The following SPIDR variants were observed in gnomAD, a reference collection of about 807,000 sequenced individuals.
SPIDR encodes scaffold protein involved in DNA repair.
Under a neutral mutation model 104.6 loss-of-function variants are expected in SPIDR, and 93 were observed. The ratio of observed to expected loss-of-function variants is 0.89; its 90% CI spans 0.75 to 1.06. The LOEUF (loss-of-function observed/expected upper bound fraction) is 1.06. Ranked by LOEUF, SPIDR falls within the 50% of genes least tolerant of loss-of-function variation. The pLI, the probability that SPIDR is intolerant of heterozygous loss-of-function variation, is 0.00. For synonymous variants in SPIDR, 431 were observed against 416.9 expected (o/e 1.03, Z -0.41); for missense variants, 1,154 against 1,111.2 (o/e 1.04, Z -0.55).
At chr8:47,508,473 C>G (rs868787377) in intron 8 of SPIDR, among the ~76,000 whole-genome samples, 1 of 152,154 alleles carries the variant, frequency 6.6e-6, no homozygotes, top group Non-Finnish European at 1.5e-5. Context: ...GGGCTGCACA[C>G]ACAAAAAGAG....
intron 8 of SPIDR, among the ~76,000 whole-genome samples, chr8:47,552,171 G>A (rs1158152844): frequency 6.6e-6 from 1 of 152,194 alleles, no homozygotes; most frequent in Non-Finnish European, 1.5e-5. Flanking sequence ...TACATTTGCT[G>A]AGGAGTGCTT....
chr8:47,524,383 G>A (rs551840437), intron 8 of SPIDR, among the ~76,000 whole-genome samples: 1 of 152,194 alleles, frequency 6.6e-6, no homozygotes, highest in Non-Finnish European at 1.5e-5. Context: ...AGATTAAAAT[G>A]TGTGTATTTG....
At chr8:47,712,582 A>G in intron 14 of SPIDR, 80 bp from the exon 15 acceptor site, 1 of 1,364,592 alleles carries the variant, frequency 7.3e-7, no homozygotes, top group Non-Finnish European at 1.0e-6. Context: ...TTGTTAGTAT[A>G]TGTATAACTT....
At chr8:47,470,503 C>T (rs1244251945) in intron 8 of SPIDR, among the ~76,000 whole-genome samples, 6 of 151,452 alleles carry the variant, frequency 4.0e-5, no homozygotes, top group South Asian at 2.1e-4. Context: ...TGCCCAGGCT[C>T]GAACTCCTAA....
chr8:47,626,830 C>T (rs1046786852), intron 10 of SPIDR, among the ~76,000 whole-genome samples: 29 of 152,158 alleles, frequency 1.9e-4, no homozygotes, highest in East Asian at 9.6e-4. Context: ...GTCAGTGTGG[C>T]GATTCCTCAG....
At chr8:47,320,364 C>G (rs1382299164) in intron 5 of SPIDR, among the ~76,000 whole-genome samples, 1 of 152,182 alleles carries the variant, frequency 6.6e-6, no homozygotes, top group Non-Finnish European at 1.5e-5. Context: ...TGGATACATT[C>G]CTGGACACAT....
In SPIDR at chr8:47,595,917, T is replaced by C; in HGVS notation, c.1204T>C (p.Cys402Arg). ...EDSEKTCEVY[C>R]PDIPLPRRSI... ...TTCAGAAAAAACTTGTGAAGTGTAC[T>C]GTCCGGACATACCCCTTCCAAGAAG... The change falls in exon 9 of 20, where the codon TGT (cysteine) becomes CGT (arginine). Residue 402 changes from cysteine (C) to arginine (R), a missense_variant. Coordinates refer to ENST00000297423, the MANE Select transcript of SPIDR (RefSeq NM_001080394.4). 1.2e-6 allele frequency: 2 copies of C among 1,614,240 alleles called. No homozygotes were observed. Among genetic ancestry groups the C allele is most frequent in the Non-Finnish European group, 1.7e-6 (2 of 1,180,028 alleles).
chr8:47,647,677 G>GA (rs2070781833), intron 10 of SPIDR, among the ~76,000 whole-genome samples: 3 of 69,624 alleles, frequency 4.3e-5, no homozygotes, highest in East Asian at 4.5e-4. Context: ...AGGGAGAGAG[G>GA]GAGAGAGAGA....
chr8:47,397,279 C>T (rs1419127537), intron 6 of SPIDR, among the ~76,000 whole-genome samples: 2 of 152,104 alleles, frequency 1.3e-5, no homozygotes, highest in Non-Finnish European at 2.9e-5. Flanking sequence ...GGGTGGATCA[C>T]AAGGTCAGGA....
chr8:47,420,339 T>G (rs987939009), intron 7 of SPIDR, among the ~76,000 whole-genome samples: 1 of 152,216 alleles, frequency 6.6e-6, no homozygotes, highest in Non-Finnish European at 1.5e-5. Context: ...TTAGCTCTTC[T>G]TGTTGAATTG....
chr8:47,449,967 G>T (rs1439901392), intron 8 of SPIDR, among the ~76,000 whole-genome samples: 3 of 152,086 alleles, frequency 2.0e-5, no homozygotes, highest in African/African-American at 4.8e-5. Context: ...GAGTCCAGGA[G>T]TTCGTGAGCA....
intron 5 of SPIDR, among the ~76,000 whole-genome samples, chr8:47,369,593 T>C (rs546057784): frequency 6.6e-6 from 1 of 152,326 alleles, no homozygotes; most frequent in African/African-American, 2.4e-5. Flanking sequence ...AGCCATTTCA[T>C]CATCATGTGA....
chr8:47,626,280 A>G (rs1053278583), intron 10 of SPIDR, among the ~76,000 whole-genome samples: 9 of 152,252 alleles, frequency 5.9e-5, no homozygotes, highest in African/African-American at 2.2e-4. Context: ...AAAACCATAA[A>G]AACCCTAGAA....
intron 8 of SPIDR, among the ~76,000 whole-genome samples, chr8:47,443,571 C>CAAAA (rs782463880): frequency 3.3e-5 from 1 of 30,096 alleles, no homozygotes; most frequent in African/African-American, 1.3e-4. Flanking sequence ...ACCCTGTCGC[C>CAAAA]AAAAAAAAAA....
intron 1 of SPIDR, among the ~76,000 whole-genome samples, chr8:47,262,708 G>A (rs2032814523): frequency 6.6e-6 from 1 of 152,198 alleles, no homozygotes; most frequent in Non-Finnish European, 1.5e-5. Context: ...GACCAACCCG[G>A]TACAATGTAT....
rs149057292 is a variant in SPIDR at position 47,505,627 on chromosome 8, C to T, written c.1097+65085C>T. 3.7e-4 allele frequency among the ~76,000 whole-genome samples: 56 copies of T among 152,314 alleles called. No homozygotes were observed. The Middle Eastern group carries it at 0.01, about 28-fold the overall frequency. On this transcript the variant is annotated intron_variant, in intron 8 of 19. Coordinates refer to ENST00000297423, the MANE Select transcript of SPIDR (RefSeq NM_001080394.4). ...GCCCTGCTTCGGCTCATGCTCGGTC[C>T]GCTGCGCCCACTTTCCGATACTCCC...
intron 5 of SPIDR, among the ~76,000 whole-genome samples, chr8:47,320,090 C>G (rs2046250798): frequency 6.6e-6 from 1 of 151,908 alleles, no homozygotes; most frequent in Non-Finnish European, 1.5e-5. Flanking sequence ...CAAGAAATAA[C>G]TAAGATCAGA....
In SPIDR at chr8:47,546,157, G is replaced by A. The variant is rs367580629; in HGVS notation, c.1098-49654G>A. Among the ~76,000 whole-genome samples the A allele has an allele frequency of 3.8e-4, 58 of 151,270 alleles. 2 individuals carry two copies. In the East Asian group the frequency reaches 6.9e-3, roughly 18 times the overall value. On this transcript the variant is annotated intron_variant, in intron 8 of 19. Transcript: ENST00000297423. ...GAAGTATTCCCTCCTCTTCTATTTC[G>A]TGAAAAAGATTATGGAGAATTGATA... is the stretch of plus-strand genomic sequence containing the variant.
chr8:47,342,852 C>A lies in SPIDR; in HGVS notation c.525+48822C>A, dbSNP rs546372411. Among the ~76,000 whole-genome samples, 4 of 152,200 alleles carry A rather than the reference C, an allele frequency of 2.6e-5. No homozygotes were observed. The South Asian group carries it at 6.2e-4, about 24-fold the overall frequency. ...TTCCCAACATGTTCTTAAAACCAGA[C>A]TAGTCATATTTATGAGCAGATATTT... On this transcript the variant is annotated intron_variant, in intron 5 of 19. Transcript: ENST00000297423.
Sources: allele counts gnomAD v4.1 joint callset (sites outside exome capture counted in the v4.1 genomes callset), GRCh38; gene constraint gnomAD v4.1.1; transcripts MANE v1.5; gene names NCBI Gene and HGNC (gene_info 2026-07-23, HGNC 2026-07-21).